The following FSTL5 variants were observed in gnomAD, a reference collection of about 807,000 sequenced individuals.
FSTL5 encodes the protein follistatin-related protein 5.
In FSTL5, 62 loss-of-function variants were observed where a neutral mutation model predicts 89.1. The ratio of observed to expected loss-of-function variants is 0.70; its 90% CI spans 0.57 to 0.86. The LOEUF (loss-of-function observed/expected upper bound fraction) is 0.86, where lower values mean the gene tolerates loss of function less well. Among genes scored for constraint, FSTL5 ranks in the 40% least tolerant of loss-of-function variants. The probability of loss-of-function intolerance (pLI) is 0.00; values close to 1 mark genes in which losing one functional copy is unlikely to be tolerated. For missense variants in FSTL5, 1,057 were observed against 1,001.6 expected (o/e 1.06, Z -0.75); for synonymous variants, 383 against 346.2 (o/e 1.11, Z -1.18).
At chr4:161,624,326 C>A (rs887821959) in intron 7 of FSTL5, among the ~76,000 whole-genome samples, 1 of 151,876 alleles carries the variant, frequency 6.6e-6, no homozygotes, top group Non-Finnish European at 1.5e-5. Context: ...TATTTTTTGA[C>A]ATTTTAATTT....
intron 4 of FSTL5, among the ~76,000 whole-genome samples, chr4:161,908,458 A>G (rs750279941): frequency 1.3e-5 from 2 of 152,144 alleles, no homozygotes; most frequent in Non-Finnish European, 2.9e-5. Context: ...TAAAGTTAAT[A>G]TATAAATTGT....
At chr4:161,822,983 T>C (rs1391655753) in intron 4 of FSTL5, among the ~76,000 whole-genome samples, 2 of 152,174 alleles carry the variant, frequency 1.3e-5, no homozygotes, top group Non-Finnish European at 2.9e-5. Flanking sequence ...CTGATGAGTG[T>C]CCACCTCTCA....
chr4:161,583,709 A>G (rs1733511314), intron 8 of FSTL5, among the ~76,000 whole-genome samples: 1 of 152,128 alleles, frequency 6.6e-6, no homozygotes, highest in Non-Finnish European at 1.5e-5. Context: ...ACCCTAGCAA[A>G]CCTTAGTGGT....
intron 4 of FSTL5, among the ~76,000 whole-genome samples, chr4:161,897,844 T>C (rs1733217400): frequency 6.6e-6 from 1 of 151,262 alleles, no homozygotes; most frequent in African/African-American, 2.4e-5. Flanking sequence ...TACAGAATAG[T>C]TTCAGGTCCC....
chr4:161,492,260 A>G (rs1162481914), intron 12 of FSTL5, among the ~76,000 whole-genome samples: 1 of 152,128 alleles, frequency 6.6e-6, no homozygotes, highest in Non-Finnish European at 1.5e-5. Context: ...GCTTGACACA[A>G]AGCAAATTCC....
At chr4:162,062,187 G>A (rs1417392188) in intron 2 of FSTL5, among the ~76,000 whole-genome samples, 3 of 151,844 alleles carry the variant, frequency 2.0e-5, no homozygotes, top group African/African-American at 7.2e-5. Context: ...AGTTGGTGAT[G>A]TTTTATTATA....
chr4:162,037,659 T>G (rs1245547902), intron 2 of FSTL5, among the ~76,000 whole-genome samples: 1 of 151,876 alleles, frequency 6.6e-6, no homozygotes, highest in Admixed American at 6.6e-5. Flanking sequence ...TGTCTAAATA[T>G]TCTATAAACA....
chr4:161,475,546 C>A (rs183736527), intron 13 of FSTL5, among the ~76,000 whole-genome samples: 6 of 152,250 alleles, frequency 3.9e-5, no homozygotes, highest in Admixed American at 6.5e-5. Flanking sequence ...ACCTCCAGTA[C>A]ATTTTTCATT....
intron 1 of FSTL5, among the ~76,000 whole-genome samples, chr4:162,144,100 GA>G (rs1252715183): frequency 6.6e-6 from 1 of 152,096 alleles, no homozygotes. Flanking sequence ...CAAACACAGT[GA>G]AGAACAGGGA....
chr4:161,655,380 C>T (rs1736480160), intron 7 of FSTL5, among the ~76,000 whole-genome samples: 1 of 151,850 alleles, frequency 6.6e-6, no homozygotes, highest in Admixed American at 6.6e-5. Flanking sequence ...TTGGTATAGT[C>T]CCTATTGGTC....
intron 4 of FSTL5, among the ~76,000 whole-genome samples, chr4:161,837,666 T>TA (rs1461833685): frequency 1.3e-5 from 2 of 151,890 alleles, no homozygotes; most frequent in East Asian, 3.9e-4. Flanking sequence ...TCATGATTCA[T>TA]AAAAAAGGAA....
At chr4:161,777,339 G>A (rs1230311124) in intron 4 of FSTL5, among the ~76,000 whole-genome samples, 2 of 150,444 alleles carry the variant, frequency 1.3e-5, no homozygotes, top group Non-Finnish European at 3.0e-5. Context: ...ATTTTGACTA[G>A]TGCTGTGATA....
At chr4:161,424,129 G>C (rs1043036115) in intron 15 of FSTL5, among the ~76,000 whole-genome samples, 1 of 147,404 alleles carries the variant, frequency 6.8e-6, no homozygotes, top group Non-Finnish European at 1.5e-5. Flanking sequence ...CGCCCGCCTC[G>C]GCCTCCCAAA....
intron 2 of FSTL5, among the ~76,000 whole-genome samples, chr4:162,075,798 AG>A (rs745574079): frequency 6.6e-6 from 1 of 151,872 alleles, no homozygotes; most frequent in Non-Finnish European, 1.5e-5. Context: ...GACAGCCACA[AG>A]TGGTGATCGG....
chr4:161,603,748 G>C (rs1734336100), intron 7 of FSTL5, among the ~76,000 whole-genome samples: 1 of 152,096 alleles, frequency 6.6e-6, no homozygotes, highest in Admixed American at 6.6e-5. Flanking sequence ...ATGTTCGAGA[G>C]ACAGAACGTC....
At chr4:161,859,254 C>G (rs1402918179) in intron 4 of FSTL5, among the ~76,000 whole-genome samples, 3 of 152,188 alleles carry the variant, frequency 2.0e-5, no homozygotes, top group Non-Finnish European at 2.9e-5. Flanking sequence ...TGTCTCACAT[C>G]CTATCACCCT....
chr4:161,946,022 A>G (rs1734724390), intron 3 of FSTL5, among the ~76,000 whole-genome samples: 1 of 152,152 alleles, frequency 6.6e-6, no homozygotes, highest in Admixed American at 6.5e-5. Flanking sequence ...TTTCATTTGC[A>G]TAAAATAACA....
intron 4 of FSTL5, among the ~76,000 whole-genome samples, chr4:161,880,035 G>T (rs1732576619): frequency 6.6e-6 from 1 of 152,088 alleles, no homozygotes; most frequent in Non-Finnish European, 1.5e-5. Context: ...AAGATGCTTA[G>T]TCACATCAGC....
intron 10 of FSTL5, among the ~76,000 whole-genome samples, chr4:161,537,005 T>C (rs1731641896): frequency 6.6e-6 from 1 of 152,100 alleles, no homozygotes; most frequent in Non-Finnish European, 1.5e-5. Flanking sequence ...TAAATCCAGC[T>C]TTTTTTCTCT....
Sources: allele counts gnomAD v4.1 joint callset (sites outside exome capture counted in the v4.1 genomes callset), GRCh38; gene constraint gnomAD v4.1.1; transcripts MANE v1.5; gene names NCBI Gene and HGNC (gene_info 2026-07-23, HGNC 2026-07-21).